The following RAB11FIP3 variants were observed in gnomAD, a reference collection of about 807,000 sequenced individuals.
RAB11FIP3 encodes the protein rab11 family-interacting protein 3.
Under a neutral mutation model 77.8 loss-of-function variants are expected in RAB11FIP3, and 17 were observed. That is an observed-to-expected ratio of 0.22 (90% CI 0.15 to 0.33). RAB11FIP3 has a LOEUF of 0.33. Ranked by LOEUF, RAB11FIP3 falls within the 10% of genes least tolerant of loss-of-function variation. RAB11FIP3 has a pLI of 1.00. For missense variants in RAB11FIP3, 1,005 were observed against 1,011.2 expected, an observed-to-expected ratio of 0.99 and a Z score of 0.08; for synonymous variants, 437 against 448.2, an observed-to-expected ratio of 0.98 and a Z score of 0.31.
At chr16:478,483 G>A (rs944707904) in intron 3 of RAB11FIP3, among the ~76,000 whole-genome samples, 2 of 152,060 alleles carry the variant, frequency 1.3e-5, no homozygotes, top group South Asian at 2.1e-4. Flanking sequence ...TAACCACGGC[G>A]CCCAGCCACT....
At chr16:462,313 C>G (rs1041029351) in intron 2 of RAB11FIP3, among the ~76,000 whole-genome samples, 5 of 152,184 alleles carry the variant, frequency 3.3e-5, no homozygotes, top group African/African-American at 9.7e-5. Flanking sequence ...CCTCCACCTT[C>G]CGGGTTCAAG....
chr16:512,539 CTTTTTT>C (rs766027431), intron 9 of RAB11FIP3, among the ~76,000 whole-genome samples: 2 of 105,614 alleles, frequency 1.9e-5, no homozygotes, highest in Non-Finnish European at 3.8e-5. Context: ...CGCGCCCGGC[CTTTTTT>C]TTTTTTTTTT....
At chr16:509,221 T>C (rs1417953260) in intron 8 of RAB11FIP3, among the ~76,000 whole-genome samples, 5 of 152,286 alleles carry the variant, frequency 3.3e-5, no homozygotes, top group African/African-American at 1.2e-4. Flanking sequence ...TAAATTGTCC[T>C]TCCCACGCTT....
At chr16:480,535 T>C (rs2056019335) in intron 3 of RAB11FIP3, among the ~76,000 whole-genome samples, 1 of 152,086 alleles carries the variant, frequency 6.6e-6, no homozygotes, top group African/African-American at 2.4e-5. Context: ...AGTCTTGCTC[T>C]GTCGCCCAGG....
At position 452,595 on chromosome 16, in the gene RAB11FIP3, C is replaced by T. The variant is rs1346826087; in HGVS notation, c.715-8809C>T. ...GACTACAGGCGCCCGCCACCACGCC[C>T]GGCTAATTTTTTGTATTTTTAGTAG... On this transcript the variant is annotated intron_variant, in intron 1 of 13. Coordinates refer to ENST00000262305, the MANE Select transcript of RAB11FIP3 (RefSeq NM_014700.4). 1.8e-3 allele frequency among the ~76,000 whole-genome samples: 241 copies of T among 137,296 alleles called. 1 individual carries two copies. Among genetic ancestry groups the T allele is most frequent in the Middle Eastern group, 9.0e-3 (2 of 222 alleles). 90.1% of individuals were successfully genotyped at this position (137,296 alleles called of 152,430 possible).
At chr16:499,275 A>C (rs1052194015) in intron 6 of RAB11FIP3, among the ~76,000 whole-genome samples, 1 of 152,134 alleles carries the variant, frequency 6.6e-6, no homozygotes, top group Non-Finnish European at 1.5e-5. Flanking sequence ...CCCCAGCTAC[A>C]CTTCTGTTAC....
intron 5 of RAB11FIP3, among the ~76,000 whole-genome samples, chr16:493,761 C>T (rs1342752297): frequency 7.6e-6 from 1 of 131,110 alleles, no homozygotes; most frequent in Non-Finnish European, 1.6e-5. Flanking sequence ...CGCCCATCAC[C>T]ACACCTGGCT....
rs925667678 is a variant in RAB11FIP3, at chr16:503,199, G to A, written c.1395+102G>A. 5.0e-5 allele frequency: 44 copies of A among 881,552 alleles called. 1 individual carries two copies. The highest frequency in any genetic ancestry group is 3.1e-4 in the Admixed American group (11 of 35,550). 54.6% of individuals were successfully genotyped at this position (881,552 alleles called of 1,614,324 possible). ...CCCGGGAGGTGGGGACAGCACAGCC[G>A]GAGGTGACCCCATGTCCTCCAGGGC... On this transcript the variant is annotated intron_variant, in intron 7 of 13. Coordinates refer to ENST00000262305, the MANE Select transcript of RAB11FIP3 (RefSeq NM_014700.4).
At chr16:474,977 A>G (rs2055874063) in intron 3 of RAB11FIP3, 2 of 1,551,414 alleles carry the variant, frequency 1.3e-6, no homozygotes, top group Non-Finnish European at 8.7e-7. Flanking sequence ...TGTTTGAGAA[A>G]AGCCAGTGAC....
chr16:459,431 C>CT (rs56705738), intron 1 of RAB11FIP3, among the ~76,000 whole-genome samples: 3,826 of 117,408 alleles, frequency 0.033, 167 homozygotes, highest in African/African-American at 0.099. Flanking sequence ...CAGCTTCAAA[C>CT]TTTTTTTTTT....
rs1003544196 is a variant in RAB11FIP3 at position 522,268 on chromosome 16, A to ATATATATG, written c.*1434_*1435insATGTATAT. ...GAAATATATATATATATATATATAT[A>ATATATATG]TATATGTATAATATATAAAGACTGG... On this transcript the variant is annotated 3_prime_UTR_variant, in exon 14 of 14. Transcript: ENST00000262305. 6.9e-6 allele frequency: 1 copy of ATATATATG among 145,744 alleles called. No homozygotes were observed. Among genetic ancestry groups the ATATATATG allele is most frequent in the Non-Finnish European group, 1.5e-5 (1 of 66,534 alleles). The allele number at this position is 145,744 out of a possible 1,614,324, so 9.0% of individuals were successfully genotyped here.
chr16:482,604 C>T lies in RAB11FIP3; in HGVS notation c.983C>T (p.Thr328Ile), dbSNP rs2056067485. 3 of 1,613,606 alleles carry T rather than the reference C, an allele frequency of 1.9e-6. No individual in the cohort carries two copies. The highest frequency in any genetic ancestry group is 2.5e-6 in the Non-Finnish European group (3 of 1,180,046). Residue 328 changes from threonine to isoleucine, a missense_variant, in exon 4 of 14, where the codon ACC becomes ATC. Physicochemically the swap from Thr to Ile is moderately conservative, Grantham distance 89. Around this residue, in one of 4 missense-constraint regions of RAB11FIP3, gnomAD observed 433 missense variants for 436.1 expected, o/e 0.99. Transcript: ENST00000262305. ...SECETFTDED[T>I]STLVHPELQP... ...TGTGAGACCTTCACGGACGAGGACA[C>T]CAGCACCCTGGTGCACCCTGAGCTG...
At chr16:510,620 C>A in intron 8 of RAB11FIP3, 40 bp from the exon 9 acceptor site, 1 of 1,553,556 alleles carries the variant, frequency 6.4e-7, no homozygotes, top group South Asian at 1.2e-5. Flanking sequence ...ACTGCACACC[C>A]TGCCTGGAGA....
chr16:520,629 C>A lies in RAB11FIP3; in HGVS notation c.2157+30C>A, dbSNP rs1399631172. The A allele has an allele frequency of 1.9e-6, 3 of 1,611,014 alleles. No individual in the cohort carries two copies. In the South Asian group the frequency reaches 3.3e-5, roughly 18 times the overall value. On this transcript the variant is annotated intron_variant, in intron 13 of 13. Coordinates refer to ENST00000262305, the MANE Select transcript of RAB11FIP3 (RefSeq NM_014700.4). ...CACATCCCGTGTCTGCACGGTGTGG[C>A]CTGGGGTCCACAGTCTGCACTGTCT...
rs112580280 is a variant in RAB11FIP3 at position 506,787 on chromosome 16, G to A, written c.1499+1160G>A. On this transcript the variant is annotated intron_variant, in intron 8 of 13. Transcript: ENST00000262305. The surrounding 1 kb of genome is among the most constrained non-coding windows in gnomAD (Gnocchi z 4.5). ...AAGACCCTGGGCTTGGCGGCTGCCCGTTCTCCAGGATTCTCAGCAGAAGAG... is the reference window on the plus strand; with the variant it reads ...AAGACCCTGGGCTTGGCGGCTGCCCATTCTCCAGGATTCTCAGCAGAAGAG... 4.9e-3 allele frequency among the ~76,000 whole-genome samples: 754 copies of A among 152,334 alleles called. 3 individuals are homozygous for A. Among genetic ancestry groups the A allele is most frequent in the Non-Finnish European group, 7.3e-3 (498 of 68,028 alleles).
intron 5 of RAB11FIP3, among the ~76,000 whole-genome samples, 170 bp from the exon 6 acceptor site, chr16:496,654 T>C (rs2031160204): frequency 6.6e-6 from 1 of 152,224 alleles, no homozygotes; most frequent in Non-Finnish European, 1.5e-5. Context: ...GTGTCCTTGC[T>C]GTTTTGCTGA....
At chr16:486,891 C>T (rs1374659479) in intron 4 of RAB11FIP3, among the ~76,000 whole-genome samples, 1 of 152,224 alleles carries the variant, frequency 6.6e-6, no homozygotes, top group Admixed American at 6.5e-5. Context: ...ATTCTCCTCC[C>T]CTCAGAGGGC....
At chr16:492,414 C>CCGT (rs1567392110) in intron 5 of RAB11FIP3, among the ~76,000 whole-genome samples, 21 of 97,050 alleles carry the variant, frequency 2.2e-4, no homozygotes, top group African/African-American at 1.5e-3. Context: ...CCCGAGGCCG[C>CCGT]CCAGGGCCCT....
intron 2 of RAB11FIP3, among the ~76,000 whole-genome samples, chr16:468,767 G>A (rs754421062): frequency 3.8e-4 from 58 of 152,270 alleles, no homozygotes; most frequent in Admixed American, 3.1e-3. Context: ...TAAGGGAAAC[G>A]CACGTGAAAA....
Sources: gnomAD v4.1 joint callset for allele counts (sites outside exome capture counted in the v4.1 genomes callset) on GRCh38, gnomAD v4.1.1 for gene constraint, gnomAD v4.1.1 regional missense constraint, Gnocchi (gnomAD v3.1) non-coding constraint, MANE v1.5 for transcripts, NCBI Gene and HGNC (gene_info 2026-07-23, HGNC 2026-07-21) for gene names.